EHBP1: variants seen among roughly 807,000 people sequenced by gnomAD.
The protein encoded by EHBP1 is EH domain binding protein 1.
Under a neutral mutation model 144.0 loss-of-function variants are expected in EHBP1, and 55 were observed. That is an observed-to-expected ratio of 0.38 (90% CI 0.31 to 0.48). The LOEUF (loss-of-function observed/expected upper bound fraction) is 0.48, where lower values mean the gene tolerates loss of function less well. EHBP1 is among the 20% of genes least tolerant of loss of function. EHBP1 has a pLI of 0.98. For synonymous variants in EHBP1, 469 were observed against 472.7 expected (o/e 0.99, Z 0.10); for missense variants, 1,200 against 1,364.2 (o/e 0.88, Z 1.90).
chr2:62,940,634 G>A (rs994458835), intron 10 of EHBP1, among the ~76,000 whole-genome samples: 4 of 152,060 alleles, frequency 2.6e-5, no homozygotes, highest in Middle Eastern at 3.4e-3. Context: ...TAGGTAAAAG[G>A]TCAGTTCTGG....
chr2:63,045,523 TC>T lies in EHBP1; in HGVS notation c.*26del. The stretch of plus-strand genomic sequence containing the variant: ...TAGCCATCAGATCAGAAAGAATCTC[TC>T]CCAACATTTTAGAGTCTTGCTTCCC... On this transcript the variant is annotated 3_prime_UTR_variant, in exon 23 of 23. Transcript: ENST00000431489. The surrounding 1 kb of genome is among the most constrained non-coding windows in gnomAD (Gnocchi z 5.7). The T allele has an allele frequency of 6.3e-7, 1 of 1,577,216 alleles. No individual in the cohort carries two copies. The highest frequency in any genetic ancestry group is 8.7e-7 in the Non-Finnish European group (1 of 1,150,398).
In EHBP1 at chr2:62,781,095, T is replaced by C. The variant is rs11890196; in HGVS notation, c.312+9703T>C. On this transcript the variant is annotated intron_variant, in intron 5 of 22. Transcript: ENST00000431489. ...GTAATGGTGAAAAAGGTGTGGTCTCTGACTTCCAGTATCCTACAGTCTGGA... is the reference window on the plus strand; with the variant it reads ...GTAATGGTGAAAAAGGTGTGGTCTCCGACTTCCAGTATCCTACAGTCTGGA... Among the ~76,000 whole-genome samples the C allele has an allele frequency of 4.3e-3, 652 of 152,280 alleles. 5 individuals are homozygous for C. The highest frequency in any genetic ancestry group is 0.015 in the African/African-American group (636 of 41,564).
intron 10 of EHBP1, among the ~76,000 whole-genome samples, chr2:62,881,418 GAAAAAAAA>G (rs371288881): frequency 8.6e-5 from 6 of 69,778 alleles, no homozygotes; most frequent in Non-Finnish European, 1.3e-4. Flanking sequence ...AGGAAAAACG[GAAAAAAAA>G]AAAAAAAAAA....
At chr2:62,991,640 A>G (rs1273308447) in intron 16 of EHBP1, among the ~76,000 whole-genome samples, 7 of 152,198 alleles carry the variant, frequency 4.6e-5, no homozygotes, top group African/African-American at 1.7e-4. Context: ...AAAATGCCAC[A>G]TTATAAGACT....
chr2:62,729,546 T>A lies in EHBP1; in HGVS notation c.105-17849T>A, dbSNP rs1344542724. Among the ~76,000 whole-genome samples the A allele has an allele frequency of 3.9e-3, 467 of 120,298 alleles. 7 individuals carry two copies. The highest frequency in any genetic ancestry group is 9.2e-3 in the East Asian group (44 of 4,802). 78.9% of individuals were successfully genotyped at this position (120,298 alleles called of 152,430 possible). ...TAAATATAATATATATAATATATAT[T>A]ATATATAATATATAATATAATATAA... On this transcript the variant is annotated intron_variant, in intron 2 of 22. Transcript: ENST00000431489.
At chr2:62,984,213 TTC>T (rs562546809) in intron 15 of EHBP1, among the ~76,000 whole-genome samples, 19 of 151,368 alleles carry the variant, frequency 1.3e-4, no homozygotes, top group East Asian at 1.9e-4. Context: ...AATGCAGATA[TTC>T]TCTCTCTCTC....
intron 2 of EHBP1, among the ~76,000 whole-genome samples, chr2:62,730,995 A>G (rs956024934): frequency 2.7e-5 from 4 of 150,710 alleles, no homozygotes; most frequent in South Asian, 4.2e-4. Context: ...CATTGAGTCT[A>G]TAGATCAAAT....
intron 10 of EHBP1, among the ~76,000 whole-genome samples, chr2:62,916,067 T>C (rs2152990742): frequency 6.6e-6 from 1 of 152,276 alleles, no homozygotes; most frequent in African/African-American, 2.4e-5. Flanking sequence ...ACATGTGTAG[T>C]CCCAGATACT....
At chr2:62,721,646 C>A (rs1288830929) in intron 2 of EHBP1, among the ~76,000 whole-genome samples, 1 of 152,174 alleles carries the variant, frequency 6.6e-6, no homozygotes, top group Non-Finnish European at 1.5e-5. Flanking sequence ...GTAGATTTTG[C>A]TTGTAGCGAT....
intron 10 of EHBP1, among the ~76,000 whole-genome samples, chr2:62,891,253 A>T (rs184177411): frequency 1.3e-5 from 2 of 152,144 alleles, no homozygotes; most frequent in Admixed American, 1.3e-4. Flanking sequence ...TAAACTGTAA[A>T]TTCACTGAAA....
Position 62,874,451 on chromosome 2 carries a change from T to C in EHBP1, c.1104T>C (p.Ala368=), listed in dbSNP as rs759270067. ...TERRVKRKAP[A]PPVLSPKTGV... Reference sequence around the variant, plus strand: ...GGCGAGTGAAAAGAAAGGCCCCGGCTCCACCAGTCCTCTCACCAAAAACAG... The same window carrying C: ...GGCGAGTGAAAAGAAAGGCCCCGGCCCCACCAGTCCTCTCACCAAAAACAG... The change falls in exon 10 of 23, where the codon GCT becomes GCC. Residue 368 remains alanine, a synonymous_variant. Transcript: ENST00000431489. The C allele has an allele frequency of 6.2e-7, 1 of 1,613,652 alleles. No individual in the cohort carries two copies. The highest frequency in any genetic ancestry group is 1.1e-5 in the South Asian group (1 of 91,004).
At chr2:62,777,100 C>T (rs1349942511) in intron 5 of EHBP1, among the ~76,000 whole-genome samples, 3 of 152,094 alleles carry the variant, frequency 2.0e-5, no homozygotes, top group Non-Finnish European at 4.4e-5. Context: ...TCAGCCTCCC[C>T]AGTAGCTGAG....
intron 19 of EHBP1, among the ~76,000 whole-genome samples, chr2:63,001,838 G>A (rs1218013348): frequency 6.6e-6 from 1 of 152,146 alleles, no homozygotes; most frequent in East Asian, 1.9e-4. Context: ...CATCTTCTTA[G>A]AGGTGAACTT....
At chr2:62,754,764 T>A in intron 3 of EHBP1, among the ~76,000 whole-genome samples, 1 of 152,230 alleles carries the variant, frequency 6.6e-6, no homozygotes, top group Non-Finnish European at 1.5e-5. Flanking sequence ...GGCAGGGCTC[T>A]GTGGGCGTGG....
chr2:62,687,795 C>G (rs1012763153), intron 1 of EHBP1, among the ~76,000 whole-genome samples: 1 of 152,122 alleles, frequency 6.6e-6, no homozygotes, highest in African/African-American at 2.4e-5. Flanking sequence ...ATGAAAAGAT[C>G]AAGGAGACAA....
intron 2 of EHBP1, among the ~76,000 whole-genome samples, chr2:62,730,384 T>A (rs190023127): frequency 6.6e-6 from 1 of 152,200 alleles, no homozygotes; most frequent in African/African-American, 2.4e-5. Context: ...CAGAATGTTA[T>A]GTTGTTGGAA....
chr2:62,927,672 G>A (rs1466319267), intron 10 of EHBP1, among the ~76,000 whole-genome samples: 1 of 152,086 alleles, frequency 6.6e-6, no homozygotes, highest in South Asian at 2.1e-4. Flanking sequence ...ATAATAGTTG[G>A]AAACTTCTAT....
chr2:62,805,311 A>G (rs967580183), intron 5 of EHBP1, among the ~76,000 whole-genome samples: 6 of 152,104 alleles, frequency 3.9e-5, no homozygotes, highest in Admixed American at 1.3e-4. Flanking sequence ...TATATTTATT[A>G]TATTTAATTT....
intron 5 of EHBP1, among the ~76,000 whole-genome samples, chr2:62,799,003 C>CATAA (rs2043772722): frequency 1.3e-5 from 1 of 76,786 alleles, no homozygotes; most frequent in South Asian, 4.9e-4. Flanking sequence ...GACTCCGTCT[C>CATAA]AAAAAAAAAA....
Sources: gnomAD v4.1 joint callset for allele counts (sites outside exome capture counted in the v4.1 genomes callset) on GRCh38, gnomAD v4.1.1 for gene constraint, Gnocchi (gnomAD v3.1) non-coding constraint, MANE v1.5 for transcripts, NCBI Gene and HGNC (gene_info 2026-07-23, HGNC 2026-07-21) for gene names.